The following ERGIC1 variants were observed in gnomAD, a reference collection of about 807,000 sequenced individuals.
The protein encoded by ERGIC1 is endoplasmic reticulum-Golgi intermediate compartment protein 1.
Under a neutral mutation model 38.3 loss-of-function variants are expected in ERGIC1, and 19 were observed. The ratio of observed to expected loss-of-function variants is 0.50; its 90% CI spans 0.35 to 0.73. ERGIC1 has a LOEUF of 0.73. ERGIC1 is among the 30% of genes least tolerant of loss of function. The probability of loss-of-function intolerance (pLI) is 0.01; values close to 1 mark genes in which losing one functional copy is unlikely to be tolerated. For missense variants in ERGIC1, 294 were observed against 389.2 expected (o/e 0.76, Z 2.06); for synonymous variants, 124 against 157.6 (o/e 0.79, Z 1.60).
chr5:172,853,628 G>A (rs1346859336), intron 1 of ERGIC1, among the ~76,000 whole-genome samples: 1 of 152,238 alleles, frequency 6.6e-6, no homozygotes, highest in Non-Finnish European at 1.5e-5. Flanking sequence ...AGGATGGGAT[G>A]TGGGAATCAG....
At chr5:172,917,759 A>G (rs1763408303) in intron 5 of ERGIC1, 1 of 152,248 alleles carries the variant, frequency 6.6e-6, no homozygotes, top group Admixed American at 6.5e-5. Flanking sequence ...CACAAACCAC[A>G]GTAGTATTAG....
chr5:172,874,042 A>G (rs1581530986), intron 1 of ERGIC1, among the ~76,000 whole-genome samples: 1 of 151,870 alleles, frequency 6.6e-6, no homozygotes, highest in South Asian at 2.1e-4. Flanking sequence ...CTCACCCCTC[A>G]CCAGTTTAGT....
intron 7 of ERGIC1, among the ~76,000 whole-genome samples, chr5:172,931,386 TTCAG>T (rs1270758978): frequency 6.6e-6 from 1 of 152,214 alleles, no homozygotes; most frequent in Non-Finnish European, 1.5e-5. Flanking sequence ...CGTTCATTCA[TTCAG>T]TAAGCATTTG....
intron 3 of ERGIC1, among the ~76,000 whole-genome samples, chr5:172,899,244 A>T (rs1004773828): frequency 1.4e-5 from 2 of 144,450 alleles, no homozygotes; most frequent in African/African-American, 2.5e-5. Flanking sequence ...AGAGGGTAGG[A>T]GGTAGAGCAG....
intron 1 of ERGIC1, among the ~76,000 whole-genome samples, chr5:172,864,598 A>G (rs994928273): frequency 2.0e-5 from 3 of 152,110 alleles, no homozygotes; most frequent in South Asian, 2.1e-4. Context: ...AAGTGCAGAC[A>G]GAAGAGGAAT....
At chr5:172,893,217 G>C (rs1459232154) in intron 2 of ERGIC1, among the ~76,000 whole-genome samples, 1 of 151,380 alleles carries the variant, frequency 6.6e-6, no homozygotes, top group Non-Finnish European at 1.5e-5. Context: ...GTGTGATCTC[G>C]GCTCACTACA....
chr5:172,863,008 C>T (rs1761757452), intron 1 of ERGIC1, among the ~76,000 whole-genome samples: 1 of 152,196 alleles, frequency 6.6e-6, no homozygotes, highest in East Asian at 1.9e-4. Flanking sequence ...TACATACGAA[C>T]TCTCCCTCTG....
chr5:172,905,982 C>T (rs1280450823), intron 3 of ERGIC1: 1 of 446,852 alleles, frequency 2.2e-6, no homozygotes, highest in Non-Finnish European at 4.5e-6. Flanking sequence ...CAGGTGTGAG[C>T]TGAGTTAGAA....
At chr5:172,838,385 C>T (rs1273101301) in intron 1 of ERGIC1, among the ~76,000 whole-genome samples, 3 of 152,272 alleles carry the variant, frequency 2.0e-5, no homozygotes, top group Admixed American at 1.3e-4. Flanking sequence ...ACAGGTCATG[C>T]GGCCCTGATG....
At chr5:172,902,397 G>C (rs558112754) in intron 3 of ERGIC1, among the ~76,000 whole-genome samples, 2 of 152,210 alleles carry the variant, frequency 1.3e-5, no homozygotes, top group Non-Finnish European at 1.5e-5. Context: ...AGGGCCCCAG[G>C]CATCCCATTA....
intron 1 of ERGIC1, among the ~76,000 whole-genome samples, chr5:172,835,776 C>T (rs1275176257): frequency 2.6e-5 from 4 of 152,178 alleles, no homozygotes; most frequent in African/African-American, 9.7e-5. Flanking sequence ...TGTCCGGGTC[C>T]CTGATACCAG....
chr5:172,855,653 T>C (rs1761530174), intron 1 of ERGIC1, among the ~76,000 whole-genome samples: 2 of 152,232 alleles, frequency 1.3e-5, no homozygotes, highest in African/African-American at 2.4e-5. Flanking sequence ...ACTCAAGGCC[T>C]TAGTGAGGAG....
Position 172,888,756 on chromosome 5 carries a change from C to A in ERGIC1, c.78C>A (p.Ala26=). ...KDLTQPTYTG[A]IISICCCLFI... is the part of the protein sequence containing the mutation. ...TTACGCAGCCAACGTACACCGGGGC[C>A]ATTAGTGAGTAGCCAACCTCTGGCC... is the stretch of plus-strand genomic sequence containing the variant. Residue 26 remains alanine (A), a synonymous_variant, in exon 2 of 10, where the codon GCC becomes GCA. Coordinates refer to ENST00000393784, the MANE Select transcript of ERGIC1 (RefSeq NM_001031711.3). The A allele has an allele frequency of 6.2e-7, 1 of 1,614,100 alleles. No individual in the cohort carries two copies. Among genetic ancestry groups the A allele is most frequent in the Non-Finnish European group, 8.5e-7 (1 of 1,179,952 alleles).
intron 1 of ERGIC1, among the ~76,000 whole-genome samples, chr5:172,881,447 C>T (rs537849159): frequency 9.2e-5 from 14 of 152,198 alleles, no homozygotes; most frequent in African/African-American, 2.6e-4. Context: ...GACTGGGTAG[C>T]GAGGAGGGCA....
intron 1 of ERGIC1, among the ~76,000 whole-genome samples, chr5:172,884,523 G>A (rs1268983847): frequency 6.6e-6 from 1 of 152,138 alleles, no homozygotes; most frequent in Non-Finnish European, 1.5e-5. Context: ...CCAAACTGCT[G>A]GAATTACAAG....
intron 1 of ERGIC1, among the ~76,000 whole-genome samples, chr5:172,860,827 CA>C (rs1761679531): frequency 6.6e-6 from 1 of 152,166 alleles, no homozygotes; most frequent in Non-Finnish European, 1.5e-5. Context: ...TTTGTGAGCA[CA>C]AAAACATATT....
chr5:172,926,482 C>T lies in ERGIC1; in HGVS notation c.481-27C>T. ...CCTGGAGGTGGAGGTGTCCTGGGGA[C>T]CATCCCCTCACTGCATTTTTCCACA... On this transcript the variant is annotated intron_variant, in intron 6 of 9. Transcript: ENST00000393784. The surrounding 1 kb of genome is among the most constrained non-coding windows in gnomAD (Gnocchi z 5.2). 1.2e-6 allele frequency: 2 copies of T among 1,613,348 alleles called. No homozygotes were observed. The highest frequency in any genetic ancestry group is 1.7e-6 in the Non-Finnish European group (2 of 1,179,614).
At chr5:172,888,214 C>CT (rs35786795) in intron 1 of ERGIC1, among the ~76,000 whole-genome samples, 1 of 152,302 alleles carries the variant, frequency 6.6e-6, no homozygotes, top group East Asian at 1.9e-4. Flanking sequence ...AATCCCAGCA[C>CT]TTTGGGAGGC....
chr5:172,896,083 C>A (rs1036047211), intron 2 of ERGIC1, among the ~76,000 whole-genome samples: 1 of 152,146 alleles, frequency 6.6e-6, no homozygotes, highest in Non-Finnish European at 1.5e-5. Context: ...TGGCTCACAC[C>A]TGTAATCCCA....
Sources: allele counts gnomAD v4.1 joint callset (sites outside exome capture counted in the v4.1 genomes callset), GRCh38; gene constraint gnomAD v4.1.1; non-coding constraint Gnocchi (gnomAD v3.1); transcripts MANE v1.5; gene names NCBI Gene and HGNC (gene_info 2026-07-23, HGNC 2026-07-21).